GFM1: variants seen among roughly 807,000 people sequenced by gnomAD.
The protein encoded by GFM1 is G elongation factor mitochondrial 1.
GFM1 carries 62 observed loss-of-function variants against 96.2 expected under a neutral mutation model. The observed-to-expected ratio is 0.64, with a 90% CI of 0.53 to 0.80. GFM1 has a LOEUF of 0.80. Ranked by LOEUF, GFM1 falls within the 30% of genes least tolerant of loss-of-function variation. The pLI is 0.00. For missense variants in GFM1, 852 were observed against 916.6 expected (o/e 0.93, Z 0.91); for synonymous variants, 282 against 312.9 (o/e 0.90, Z 1.04).
rs1723583676 is a variant in GFM1 at position 158,665,462 on chromosome 3, A to G, written c.1506A>G (p.Glu502=). The G allele has an allele frequency of 6.2e-7, 1 of 1,609,828 alleles. No individual in the cohort carries two copies. The highest frequency in any genetic ancestry group is 1.7e-5 in the Admixed American group (1 of 59,988). The change falls in exon 12 of 18, where the codon GAA becomes GAG. Residue 502 remains glutamate, a synonymous_variant. Transcript: ENST00000486715. ...VISGMGELHL[E]IYAQRLEREY... is the part of the protein sequence containing the mutation. The stretch of plus-strand genomic sequence containing the variant: ...CTGGAATGGGAGAATTACACCTGGA[A>G]ATCTATGCTCAGGTAATGAATAATA...
intron 15 of GFM1, among the ~76,000 whole-genome samples, chr3:158,689,368 A>G (rs1319940061): frequency 6.6e-6 from 1 of 152,150 alleles, no homozygotes; most frequent in Non-Finnish European, 1.5e-5. Context: ...AGGTAGAGCA[A>G]AAACTAGAAA....
intron 16 of GFM1, chr3:158,690,594 A>G: frequency 2.3e-6 from 1 of 427,910 alleles, no homozygotes; most frequent in Non-Finnish European, 4.2e-6. Flanking sequence ...ATTAAAAAGA[A>G]AAGGAAAAAT....
intron 13 of GFM1, among the ~76,000 whole-genome samples, chr3:158,668,092 C>T (rs559301302): frequency 6.6e-6 from 1 of 152,230 alleles, no homozygotes; most frequent in East Asian, 1.9e-4. Context: ...CTCTATAGAG[C>T]AGATTAAAGG....
chr3:158,671,064 A>T (rs756376870), intron 13 of GFM1: 22 of 1,443,204 alleles, frequency 1.5e-5, no homozygotes, highest in Non-Finnish European at 1.9e-5. Flanking sequence ...TATTATAACA[A>T]CATTATACTT....
chr3:158,657,237 A>G (rs1722841645), intron 8 of GFM1: 1 of 152,220 alleles, frequency 6.6e-6, no homozygotes, highest in Non-Finnish European at 1.5e-5. Flanking sequence ...TGGAAATAAC[A>G]TTACAGTAAA....
intron 7 of GFM1, among the ~76,000 whole-genome samples, chr3:158,654,205 C>CTCT (rs1722542946): frequency 1.2e-5 from 1 of 85,974 alleles, no homozygotes; most frequent in South Asian, 5.0e-4. Context: ...CTCTAAAGAC[C>CTCT]TTTTTTTTTT....
Position 158,693,148 on chromosome 3 carries a change from A to G in GFM1, c.*1681A>G, listed in dbSNP as rs1434639311. ...GTTTTTTAATTGATACTTTAATTACAATTATTCACCAAGTGCATTTCCCCC... is the reference window on the plus strand; with the variant it reads ...GTTTTTTAATTGATACTTTAATTACGATTATTCACCAAGTGCATTTCCCCC... On this transcript the variant is annotated 3_prime_UTR_variant, in exon 18 of 18. Coordinates refer to ENST00000486715, the MANE Select transcript of GFM1 (RefSeq NM_024996.7). 2.0e-5 allele frequency: 3 copies of G among 152,210 alleles called. No individual in the cohort carries two copies. The highest frequency in any genetic ancestry group is 7.2e-5 in the African/African-American group (3 of 41,448). 9.4% of individuals were successfully genotyped at this position (152,210 alleles called of 1,614,324 possible). A position where few individuals can be genotyped will look rare whatever the true frequency, so the allele number is the denominator to read the frequency against.
chr3:158,689,627 T>G lies in GFM1; in HGVS notation c.1910-536T>G, dbSNP rs1179079184. Among the ~76,000 whole-genome samples the G allele has an allele frequency of 2.6e-5, 4 of 151,714 alleles. No individual in the cohort carries two copies. In the East Asian group the frequency reaches 7.8e-4, roughly 30 times the overall value. On this transcript the variant is annotated intron_variant, in intron 15 of 17. Coordinates refer to ENST00000486715, the MANE Select transcript of GFM1 (RefSeq NM_024996.7). ...CTGTGTCTACTAAAAATACAAAAAT[T>G]AGTGGTAGCAGATACCTGTAATCCC...
intron 14 of GFM1, among the ~76,000 whole-genome samples, chr3:158,682,950 G>C (rs1402985784): frequency 6.6e-6 from 1 of 151,666 alleles, no homozygotes; most frequent in African/African-American, 2.4e-5. Flanking sequence ...TGGGAGGATT[G>C]CTTGAGCCCA....
chr3:158,687,200 G>C (rs1209055736), intron 15 of GFM1, among the ~76,000 whole-genome samples: 1 of 151,836 alleles, frequency 6.6e-6, no homozygotes, highest in Non-Finnish European at 1.5e-5. Flanking sequence ...TTGTAGAGGT[G>C]GGGTATTGCT....
chr3:158,684,686 A>T lies in GFM1; in HGVS notation c.1909+18A>T. On this transcript the variant is annotated intron_variant, in intron 15 of 17. Coordinates refer to ENST00000486715, the MANE Select transcript of GFM1 (RefSeq NM_024996.7). ...TAAACAAGGTATGCTGGGTCCGGGC[A>T]CCTTAGCCTGTCTGTTTTCCTGATA... The T allele has an allele frequency of 6.2e-7, 1 of 1,613,466 alleles. No homozygotes were observed.
chr3:158,690,315 T>A lies in GFM1; in HGVS notation c.2062T>A (p.Tyr688Asn). 1.2e-6 allele frequency: 2 copies of A among 1,613,562 alleles called. No homozygotes were observed. Among genetic ancestry groups the A allele is most frequent in the South Asian group, 2.2e-5 (2 of 91,074 alleles). ...TGGAGTTGAGGACTATTTTACACTG[T>A]ATGCAGATGTAAGTAGTCTTGGTCA... Reference protein sequence around the residue: ...QDGVEDYFTLYADVPLNDMFG... With the variant: ...QDGVEDYFTLNADVPLNDMFG... Residue 688 changes from tyrosine to asparagine, a missense_variant, in exon 16 of 18, where the codon TAT becomes AAT. Tyr to Asn is a moderately radical substitution (Grantham distance 143). Coordinates refer to ENST00000486715, the MANE Select transcript of GFM1 (RefSeq NM_024996.7).
rs1448648187 is a variant in GFM1, at chr3:158,695,417, G to GTTCT, written c.*3951_*3954dup. ...AAAAAAAAGAAAAAAAAGAAAAGATGTTCTGATGGTGATACTGATAAATTT... is the reference window on the plus strand; with the variant it reads ...AAAAAAAAGAAAAAAAAGAAAAGATGTTCTTTCTGATGGTGATACTGATAAATTT... On this transcript the variant is annotated 3_prime_UTR_variant, in exon 18 of 18. Coordinates refer to ENST00000486715, the MANE Select transcript of GFM1 (RefSeq NM_024996.7). The GTTCT allele has an allele frequency of 2.6e-5, 4 of 152,210 alleles. No individual in the cohort carries two copies. The East Asian group carries it at 5.8e-4, about 22-fold the overall frequency. 9.4% of individuals were successfully genotyped at this position (152,210 alleles called of 1,614,324 possible). A position where few individuals can be genotyped will look rare whatever the true frequency, so the allele number is the denominator to read the frequency against.
intron 10 of GFM1, among the ~76,000 whole-genome samples, chr3:158,662,413 C>G (rs1723265283): frequency 6.6e-6 from 1 of 152,024 alleles, no homozygotes; most frequent in African/African-American, 2.4e-5. Flanking sequence ...AAGGAGGAAC[C>G]TATATAAGTA....
chr3:158,660,957 C>T lies in GFM1; in HGVS notation c.1305C>T (p.Ala435=). ...CASGDTFTDK[A]NSGLSMESIH... ...GTGGAGACACATTCACAGACAAAGC[C>T]AACAGCGGCCTTTCTATGGTAAGCC... is the stretch of plus-strand genomic sequence containing the variant. The change falls in exon 10 of 18, where the codon GCC becomes GCT. Residue 435 remains alanine (A), a synonymous_variant. Transcript: ENST00000486715. The T allele has an allele frequency of 6.2e-7, 1 of 1,613,272 alleles. No homozygotes were observed. Among genetic ancestry groups the T allele is most frequent in the Non-Finnish European group, 8.5e-7 (1 of 1,179,300 alleles).
intron 13 of GFM1, among the ~76,000 whole-genome samples, chr3:158,676,358 TG>T (rs1475725464): frequency 6.6e-6 from 1 of 152,174 alleles, no homozygotes; most frequent in Non-Finnish European, 1.5e-5. Flanking sequence ...TTAAAAGTGG[TG>T]ATTAATAAGA....
At chr3:158,669,453 A>AGCG in intron 13 of GFM1, 1 of 1,612,854 alleles carries the variant, frequency 6.2e-7, no homozygotes, top group South Asian at 1.1e-5. Flanking sequence ...TTGTGCTTCT[A>AGCG]GCGGTTCCTT....
At chr3:158,649,788 T>G in intron 5 of GFM1, 1 of 520,992 alleles carries the variant, frequency 1.9e-6, no homozygotes, top group Non-Finnish European at 3.4e-6. Flanking sequence ...CCTGGAGACT[T>G]TGTTAAAAGA....
At chr3:158,669,207 C>A in intron 13 of GFM1, 1 of 1,434,448 alleles carries the variant, frequency 7.0e-7, no homozygotes, top group South Asian at 1.3e-5. Context: ...AATTCTAAAT[C>A]ATGTCTTAGT....
Sources: allele counts gnomAD v4.1 joint callset (sites outside exome capture counted in the v4.1 genomes callset), GRCh38; gene constraint gnomAD v4.1.1; transcripts MANE v1.5; gene names NCBI Gene and HGNC (gene_info 2026-07-23, HGNC 2026-07-21).